The following CAMK4 variants were observed in gnomAD, a reference collection of about 807,000 sequenced individuals.
The protein encoded by CAMK4 is calcium/calmodulin dependent protein kinase IV.
A neutral mutation model predicts 44.9 loss-of-function variants in CAMK4; 22 were observed. The observed-to-expected ratio is 0.49, with a 90% CI of 0.35 to 0.70. The LOEUF (loss-of-function observed/expected upper bound fraction) is 0.70. Ranked by LOEUF, CAMK4 falls within the 30% of genes least tolerant of loss-of-function variation. The probability of loss-of-function intolerance (pLI) is 0.01; values close to 1 mark genes in which losing one functional copy is unlikely to be tolerated. For synonymous variants in CAMK4, 218 were observed against 215.4 expected (o/e 1.01, Z -0.11); for missense variants, 498 against 586.8 (o/e 0.85, Z 1.56).
At chr5:111,442,719 C>T (rs1753871987) in intron 5 of CAMK4, among the ~76,000 whole-genome samples, 1 of 148,314 alleles carries the variant, frequency 6.7e-6, no homozygotes, top group Non-Finnish European at 1.5e-5. Flanking sequence ...TTAGAAAATA[C>T]AGTTATTTTT....
chr5:111,473,378 C>G lies in CAMK4; in HGVS notation c.693C>G (p.Thr231=), dbSNP rs757797812. 4.4e-6 allele frequency: 7 copies of G among 1,596,378 alleles called. No homozygotes were observed. In the South Asian group the frequency reaches 7.8e-5, roughly 18 times the overall value. ...ACATGTGGTCTGTAGGAATAATCACCTACATCTTGTAAGTGAAGAAAAGCA... is the reference window on the plus strand; with the variant it reads ...ACATGTGGTCTGTAGGAATAATCACGTACATCTTGTAAGTGAAGAAAAGCA... The part of the protein sequence containing the change: ...EVDMWSVGII[T]YILLCGFEPF... The change falls in exon 8 of 11, where the codon ACC becomes ACG. Residue 231 remains threonine (T), a synonymous_variant. Coordinates refer to ENST00000282356, the MANE Select transcript of CAMK4 (RefSeq NM_001744.6).
Position 111,238,521 on chromosome 5 carries a change from C to T in CAMK4, c.161+13877C>T, listed in dbSNP as rs138453305. On this transcript the variant is annotated intron_variant, in intron 1 of 10. Coordinates refer to ENST00000282356, the MANE Select transcript of CAMK4 (RefSeq NM_001744.6). ...CACACTGGCACCCGATTGCAGACTT[C>T]CAGCCCTCAGAACTGTGAAAAAAAT... is the stretch of plus-strand genomic sequence containing the variant. Among the ~76,000 whole-genome samples the T allele has an allele frequency of 9.8e-4, 149 of 151,658 alleles. 1 individual carries two copies. The highest frequency in any genetic ancestry group is 3.5e-3 in the African/African-American group (143 of 41,196).
At chr5:111,339,788 A>G (rs1363778844) in intron 1 of CAMK4, among the ~76,000 whole-genome samples, 1 of 151,176 alleles carries the variant, frequency 6.6e-6, no homozygotes, top group African/African-American at 2.4e-5. Flanking sequence ...GATAGGGATT[A>G]TATTGAATCT....
intron 1 of CAMK4, among the ~76,000 whole-genome samples, chr5:111,325,178 G>T (rs583295): frequency 6.6e-6 from 1 of 151,882 alleles, no homozygotes; most frequent in Non-Finnish European, 1.5e-5. Flanking sequence ...AGGACATGAA[G>T]TCATCCTTTT....
At chr5:111,230,486 A>T (rs1249510198) in intron 1 of CAMK4, among the ~76,000 whole-genome samples, 1 of 152,186 alleles carries the variant, frequency 6.6e-6, no homozygotes, top group African/African-American at 2.4e-5. Flanking sequence ...GGCTACGATA[A>T]CATCATTGCT....
At chr5:111,293,018 G>T (rs1408849917) in intron 1 of CAMK4, among the ~76,000 whole-genome samples, 2 of 152,190 alleles carry the variant, frequency 1.3e-5, no homozygotes, top group African/African-American at 4.8e-5. Context: ...AAGTGGGCAG[G>T]CTTCCTGTAT....
intron 1 of CAMK4, among the ~76,000 whole-genome samples, chr5:111,261,449 G>A (rs1048186065): frequency 1.3e-5 from 2 of 152,022 alleles, no homozygotes; most frequent in African/African-American, 2.4e-5. Flanking sequence ...TTTCCCTTCC[G>A]GATCTCTGAG....
At chr5:111,274,489 C>G (rs778017753) in intron 1 of CAMK4, among the ~76,000 whole-genome samples, 4 of 152,034 alleles carry the variant, frequency 2.6e-5, no homozygotes, top group East Asian at 3.8e-4. Flanking sequence ...TTTGTTAAAC[C>G]ATTTTCTTTC....
intron 1 of CAMK4, among the ~76,000 whole-genome samples, chr5:111,234,363 A>T (rs540125170): frequency 6.6e-6 from 1 of 152,298 alleles, no homozygotes; most frequent in East Asian, 1.9e-4. Flanking sequence ...ATTGTAACCA[A>T]AACAGTCACA....
intron 1 of CAMK4, among the ~76,000 whole-genome samples, chr5:111,313,707 G>C (rs1169769870): frequency 1.3e-5 from 2 of 151,058 alleles, no homozygotes; most frequent in Non-Finnish European, 3.0e-5. Flanking sequence ...ATATAAATTG[G>C]TTATTTGTAT....
At chr5:111,309,294 A>T (rs1580565536) in intron 1 of CAMK4, among the ~76,000 whole-genome samples, 1 of 152,104 alleles carries the variant, frequency 6.6e-6, no homozygotes, top group Non-Finnish European at 1.5e-5. Flanking sequence ...GGAGAGGAAA[A>T]CCTTTGACCT....
intron 1 of CAMK4, among the ~76,000 whole-genome samples, chr5:111,281,755 T>G (rs1039503975): frequency 1.3e-5 from 2 of 152,178 alleles, no homozygotes; most frequent in Non-Finnish European, 2.9e-5. Context: ...TATCTAAAAT[T>G]GACAAGAAAT....
intron 7 of CAMK4, among the ~76,000 whole-genome samples, chr5:111,458,437 G>A (rs369560806): frequency 6.6e-6 from 1 of 152,186 alleles, no homozygotes; most frequent in South Asian, 2.1e-4. Flanking sequence ...CTTTAGTTGT[G>A]TAAAACAATC....
chr5:111,264,270 C>T (rs1226786561), intron 1 of CAMK4, among the ~76,000 whole-genome samples: 1 of 152,138 alleles, frequency 6.6e-6, no homozygotes, highest in African/African-American at 2.4e-5. Flanking sequence ...CTTGGTGCAG[C>T]AGTGGCTCTG....
chr5:111,480,059 T>C (rs909647828), intron 9 of CAMK4, among the ~76,000 whole-genome samples: 1 of 151,780 alleles, frequency 6.6e-6, no homozygotes, highest in Admixed American at 6.6e-5. Context: ...TGACGCTGCC[T>C]GGTCTGGGGC....
chr5:111,450,540 C>T (rs1580769977), intron 7 of CAMK4, among the ~76,000 whole-genome samples: 1 of 138,142 alleles, frequency 7.2e-6, no homozygotes, highest in African/African-American at 2.9e-5. Flanking sequence ...ATAATCCCAG[C>T]ACTTTCGGAG....
intron 7 of CAMK4, among the ~76,000 whole-genome samples, chr5:111,459,092 C>A (rs899876061): frequency 5.9e-5 from 9 of 152,082 alleles, no homozygotes; most frequent in South Asian, 2.1e-4. Flanking sequence ...GTGGGTGTTA[C>A]CAGCATATAG....
At chr5:111,249,119 G>A (rs1218934273) in intron 1 of CAMK4, among the ~76,000 whole-genome samples, 1 of 152,174 alleles carries the variant, frequency 6.6e-6, no homozygotes, top group Non-Finnish European at 1.5e-5. Flanking sequence ...AATTCAACCA[G>A]ATTATTTAAA....
chr5:111,404,859 A>G (rs1752358770), intron 5 of CAMK4, among the ~76,000 whole-genome samples: 1 of 152,196 alleles, frequency 6.6e-6, no homozygotes, highest in Non-Finnish European at 1.5e-5. Flanking sequence ...TATATAAAAT[A>G]TTATTTTGAT....
Sources: allele counts gnomAD v4.1 joint callset (sites outside exome capture counted in the v4.1 genomes callset), GRCh38; gene constraint gnomAD v4.1.1; transcripts MANE v1.5; gene names NCBI Gene and HGNC (gene_info 2026-07-23, HGNC 2026-07-21).